CYYR1: variants seen among roughly 807,000 people sequenced by gnomAD.
CYYR1 encodes the protein cysteine and tyrosine-rich protein 1.
Under a neutral mutation model 15.2 loss-of-function variants are expected in CYYR1, and 14 were observed. The ratio of observed to expected loss-of-function variants is 0.92; its 90% CI spans 0.61 to 1.44. The LOEUF is 1.44. CYYR1 is among the 40% of genes most tolerant of loss of function. The probability of loss-of-function intolerance (pLI) is 0.00; values close to 1 mark genes in which losing one functional copy is unlikely to be tolerated. For synonymous variants in CYYR1, 80 were observed against 77.4 expected, an observed-to-expected ratio of 1.03 and a Z score of -0.18; for missense variants, 228 against 209.5, an observed-to-expected ratio of 1.09 and a Z score of -0.54.
At chr21:26,517,931 G>A (rs1185367871) in intron 2 of CYYR1, among the ~76,000 whole-genome samples, 1 of 152,104 alleles carries the variant, frequency 6.6e-6, no homozygotes, top group Non-Finnish European at 1.5e-5. Flanking sequence ...TTTCTTGGGG[G>A]ACCTCAGCAC....
intron 2 of CYYR1, among the ~76,000 whole-genome samples, chr21:26,537,185 AG>A (rs1191780429): frequency 6.6e-6 from 1 of 152,176 alleles, no homozygotes; most frequent in Non-Finnish European, 1.5e-5. Context: ...TGGCATATGC[AG>A]GGACTCGGAG....
chr21:26,510,072 C>T (rs1250317991), intron 2 of CYYR1, among the ~76,000 whole-genome samples: 2 of 152,170 alleles, frequency 1.3e-5, no homozygotes, highest in Non-Finnish European at 2.9e-5. Context: ...ATTTAGGTAT[C>T]CGCTCTGGAA....
intron 2 of CYYR1, among the ~76,000 whole-genome samples, chr21:26,503,298 T>C (rs1053286611): frequency 6.6e-6 from 1 of 152,148 alleles, no homozygotes; most frequent in Non-Finnish European, 1.5e-5. Flanking sequence ...TGTTTCACTT[T>C]TTAAAAAAAG....
intron 2 of CYYR1, among the ~76,000 whole-genome samples, chr21:26,517,020 C>G (rs2065736633): frequency 7.0e-6 from 1 of 141,954 alleles, no homozygotes; most frequent in Non-Finnish European, 1.5e-5. Flanking sequence ...GAGGCTGAGG[C>G]AGGAGAATGG....
In CYYR1 at chr21:26,538,805, C is replaced by A. The variant is rs34472255; in HGVS notation, c.176+27461G>T. ...GTTCTTAAACTTTTTGGTGTCATGG[C>A]AGCCTGGTAAAGTCTAGGATCCTGT... On this transcript the variant is annotated intron_variant, in intron 2 of 3. Coordinates refer to ENST00000652641, the MANE Select transcript of CYYR1 (RefSeq NM_001320768.2). Among the ~76,000 whole-genome samples the A allele has an allele frequency of 6.3e-3, 966 of 152,292 alleles. 16 individuals are homozygous for A. The highest frequency in any genetic ancestry group is 9.4e-3 in the Non-Finnish European group (640 of 68,032).
chr21:26,512,490 C>T (rs542480037), intron 2 of CYYR1, among the ~76,000 whole-genome samples: 13 of 152,200 alleles, frequency 8.5e-5, no homozygotes, highest in Non-Finnish European at 1.2e-4. Context: ...CGTGAGCCAC[C>T]GCGCCCGGCC....
At chr21:26,565,523 G>GT (rs1980551024) in intron 2 of CYYR1, among the ~76,000 whole-genome samples, 1 of 152,166 alleles carries the variant, frequency 6.6e-6, no homozygotes, top group Admixed American at 6.5e-5. Flanking sequence ...TTTCTCAGTT[G>GT]TGGGTTCCTC....
intron 2 of CYYR1, among the ~76,000 whole-genome samples, chr21:26,501,647 T>A (rs954676661): frequency 6.6e-6 from 1 of 152,204 alleles, no homozygotes; most frequent in African/African-American, 2.4e-5. Flanking sequence ...GGTTCACCAC[T>A]TAATCTTTTG....
At chr21:26,563,544 C>G (rs750200355) in intron 2 of CYYR1, among the ~76,000 whole-genome samples, 63 of 151,998 alleles carry the variant, frequency 4.1e-4, no homozygotes, top group Non-Finnish European at 7.6e-4. Context: ...AGCACTCCAG[C>G]CTGGGTGACA....
At chr21:26,542,990 A>G (rs540587450) in intron 2 of CYYR1, among the ~76,000 whole-genome samples, 1 of 152,302 alleles carries the variant, frequency 6.6e-6, no homozygotes, top group Non-Finnish European at 1.5e-5. Flanking sequence ...ATTCAACACA[A>G]TTTTTTGAAA....
At chr21:26,564,495 C>T (rs935716173) in intron 2 of CYYR1, among the ~76,000 whole-genome samples, 1 of 152,176 alleles carries the variant, frequency 6.6e-6, no homozygotes, top group Non-Finnish European at 1.5e-5. Context: ...CATGTATCAG[C>T]TCAACCAATT....
In CYYR1 at chr21:26,507,111, C is replaced by T. The variant is rs2065578029; in HGVS notation, c.177-26682G>A. On this transcript the variant is annotated intron_variant, in intron 2 of 3. Transcript: ENST00000652641. ...TATGCTCAAGGGTTCATTTTATTTT[C>T]GACTTTAAAATTCACACTCAATTTT... Among the ~76,000 whole-genome samples the T allele has an allele frequency of 2.0e-5, 3 of 152,254 alleles. No homozygotes were observed. The South Asian group carries it at 6.2e-4, about 32-fold the overall frequency.
At chr21:26,510,261 T>C (rs2065628655) in intron 2 of CYYR1, among the ~76,000 whole-genome samples, 1 of 152,190 alleles carries the variant, frequency 6.6e-6, no homozygotes, top group South Asian at 2.1e-4. Flanking sequence ...TAAGATAAAA[T>C]GAATTACATT....
chr21:26,547,930 C>T (rs1336237124), intron 2 of CYYR1, among the ~76,000 whole-genome samples: 2 of 151,776 alleles, frequency 1.3e-5, no homozygotes, highest in South Asian at 2.1e-4. Flanking sequence ...AGTAGCTAAA[C>T]GGAGTACCAG....
chr21:26,500,020 A>G (rs757574776), intron 2 of CYYR1, among the ~76,000 whole-genome samples: 3 of 152,060 alleles, frequency 2.0e-5, no homozygotes, highest in Non-Finnish European at 4.4e-5. Flanking sequence ...ATAGTTCTGG[A>G]GGCTGGGAAG....
chr21:26,489,459 A>G (rs1823942033), intron 2 of CYYR1, among the ~76,000 whole-genome samples: 1 of 152,112 alleles, frequency 6.6e-6, no homozygotes, highest in Admixed American at 6.6e-5. Flanking sequence ...GCCAATATAG[A>G]TTTAATGAGA....
At chr21:26,516,977 T>C (rs2123541478) in intron 2 of CYYR1, among the ~76,000 whole-genome samples, 1 of 149,804 alleles carries the variant, frequency 6.7e-6, no homozygotes, top group South Asian at 2.1e-4. Flanking sequence ...TAGCCGGGCG[T>C]GGTAGCGGGC....
chr21:26,488,053 A>C (rs73898208), intron 2 of CYYR1, among the ~76,000 whole-genome samples: 4,803 of 151,996 alleles, frequency 0.032, 245 homozygotes, highest in African/African-American at 0.11. Context: ...TTTATAGATA[A>C]CTTCTTTCTG....
intron 2 of CYYR1, among the ~76,000 whole-genome samples, chr21:26,521,361 A>C (rs1359869074): frequency 6.6e-6 from 1 of 152,220 alleles, no homozygotes; most frequent in Non-Finnish European, 1.5e-5. Context: ...TTACATGTAT[A>C]CGAAAGACAT....
Sources: gnomAD v4.1 joint callset for allele counts (sites outside exome capture counted in the v4.1 genomes callset) on GRCh38, gnomAD v4.1.1 for gene constraint, MANE v1.5 for transcripts, NCBI Gene and HGNC (gene_info 2026-07-23, HGNC 2026-07-21) for gene names.